The following RYR3 variants were observed in gnomAD, a reference collection of about 807,000 sequenced individuals.
RYR3 encodes the protein ryanodine receptor 3.
RYR3 carries 207 observed loss-of-function variants against 584.3 expected under a neutral mutation model. The ratio of observed to expected loss-of-function variants is 0.35; its 90% CI spans 0.32 to 0.40. The LOEUF (loss-of-function observed/expected upper bound fraction) is 0.40. Ranked by LOEUF, RYR3 falls within the 10% of genes least tolerant of loss-of-function variation. The pLI, the probability that RYR3 is intolerant of heterozygous loss-of-function variation, is 1.00. For synonymous variants in RYR3, 2,416 were observed against 2,248.5 expected (o/e 1.07, Z -2.11); for missense variants, 5,616 against 6,089.2 (o/e 0.92, Z 2.59).
intron 67 of RYR3, among the ~76,000 whole-genome samples, chr15:33,790,232 A>T (rs1397130757): frequency 6.7e-6 from 1 of 149,872 alleles, no homozygotes; most frequent in Non-Finnish European, 1.5e-5. Context: ...TGACCTCGTG[A>T]TCCACCCACC....
chr15:33,621,829 C>T (rs1047216405), intron 19 of RYR3, among the ~76,000 whole-genome samples: 4 of 152,168 alleles, frequency 2.6e-5, no homozygotes, highest in African/African-American at 9.7e-5. Context: ...GATATTTCCA[C>T]GATCACAATT....
chr15:33,860,404 G>T (rs1887749632), intron 100 of RYR3, among the ~76,000 whole-genome samples, 191 bp from the exon 101 acceptor site: 1 of 152,122 alleles, frequency 6.6e-6, no homozygotes, highest in African/African-American at 2.4e-5. Flanking sequence ...GTGTAGAAAG[G>T]TAGAGTTAGG....
intron 65 of RYR3, among the ~76,000 whole-genome samples, chr15:33,783,877 T>C (rs1006912769): frequency 3.9e-5 from 6 of 152,074 alleles, no homozygotes; most frequent in Non-Finnish European, 7.4e-5. Flanking sequence ...AATGACCATA[T>C]CTGACCCATA....
intron 2 of RYR3, among the ~76,000 whole-genome samples, chr15:33,477,506 G>A (rs1198870641): frequency 6.7e-6 from 1 of 149,124 alleles, no homozygotes; most frequent in Non-Finnish European, 1.5e-5. Flanking sequence ...ATTAATTGAT[G>A]GAAGCACTAT....
At chr15:33,794,123 ATATATTT>A (rs1567184370) in intron 67 of RYR3, among the ~76,000 whole-genome samples, 2 of 123,134 alleles carry the variant, frequency 1.6e-5, no homozygotes, top group African/African-American at 6.8e-5. Flanking sequence ...ATACATAAAT[ATATATTT>A]ATATATAATA....
chr15:33,642,711 G>C (rs944260053), intron 27 of RYR3, among the ~76,000 whole-genome samples: 4 of 152,088 alleles, frequency 2.6e-5, no homozygotes, highest in Non-Finnish European at 4.4e-5. Flanking sequence ...TTCATCCATC[G>C]CAGCCCCTAT....
At chr15:33,781,677 A>G (rs921512527) in intron 65 of RYR3, among the ~76,000 whole-genome samples, 4 of 152,198 alleles carry the variant, frequency 2.6e-5, no homozygotes, top group Non-Finnish European at 5.9e-5. Context: ...GGCCACTAAT[A>G]AAAATCTTTC....
chr15:33,450,992 G>T (rs1823770814), intron 1 of RYR3, among the ~76,000 whole-genome samples: 1 of 152,140 alleles, frequency 6.6e-6, no homozygotes, highest in African/African-American at 2.4e-5. Context: ...GAGACTCCTT[G>T]CAGCACCTGA....
chr15:33,856,682 C>G (rs375174322), intron 98 of RYR3: 1 of 156,086 alleles, frequency 6.4e-6, no homozygotes, highest in East Asian at 1.9e-4. Context: ...TTTTTTGAGA[C>G]GGAGTCTCAC....
intron 2 of RYR3, among the ~76,000 whole-genome samples, chr15:33,489,719 C>T (rs1019814306): frequency 6.6e-6 from 1 of 152,066 alleles, no homozygotes; most frequent in African/African-American, 2.4e-5. Flanking sequence ...AGGTATGTAC[C>T]CAGTAATGGG....
At chr15:33,503,016 G>A (rs1399855337) in intron 2 of RYR3, among the ~76,000 whole-genome samples, 1 of 152,196 alleles carries the variant, frequency 6.6e-6, no homozygotes, top group Non-Finnish European at 1.5e-5. Flanking sequence ...GAATAGGCAT[G>A]AATGTCACGA....
At chr15:33,497,548 C>T (rs139302063) in intron 2 of RYR3, among the ~76,000 whole-genome samples, 1 of 152,272 alleles carries the variant, frequency 6.6e-6, no homozygotes, top group Non-Finnish European at 1.5e-5. Flanking sequence ...CCTAATTTAT[C>T]TCTCTGCTTC....
chr15:33,802,130 T>C (rs1213815464), intron 69 of RYR3, 169 bp downstream of exon 69: 3 of 757,636 alleles, frequency 4.0e-6, no homozygotes, highest in Non-Finnish European at 4.9e-6. Flanking sequence ...GAAACTGCTC[T>C]CAAATAAGCA....
intron 43 of RYR3, among the ~76,000 whole-genome samples, chr15:33,709,466 C>A (rs948656353): frequency 6.6e-6 from 1 of 152,160 alleles, no homozygotes; most frequent in Non-Finnish European, 1.5e-5. Context: ...TTAAATGTGT[C>A]CCCTAAAAAG....
At chr15:33,519,873 A>G (rs1000406403) in intron 3 of RYR3, among the ~76,000 whole-genome samples, 1 of 152,146 alleles carries the variant, frequency 6.6e-6, no homozygotes, top group Non-Finnish European at 1.5e-5. Flanking sequence ...GCTACTTCAT[A>G]TACTTCAAGA....
intron 10 of RYR3, among the ~76,000 whole-genome samples, chr15:33,556,328 C>T (rs1046910361): frequency 3.9e-5 from 6 of 152,168 alleles, no homozygotes; most frequent in African/African-American, 1.4e-4. Flanking sequence ...TTCTTTTCAG[C>T]CCATCATTCA....
intron 10 of RYR3, among the ~76,000 whole-genome samples, chr15:33,550,632 C>G (rs977076533): frequency 2.6e-5 from 4 of 152,110 alleles, no homozygotes; most frequent in African/African-American, 9.7e-5. Context: ...TCTGAGTTGT[C>G]TTTGATAAAT....
chr15:33,432,801 T>C (rs985580584), intron 1 of RYR3, among the ~76,000 whole-genome samples: 1 of 151,882 alleles, frequency 6.6e-6, no homozygotes, highest in African/African-American at 2.4e-5. Flanking sequence ...ATTACAGGCG[T>C]GAGGCACCGC....
At position 33,533,373 on chromosome 15, in the gene RYR3, A is replaced by G. The variant is rs1355124915; in HGVS notation, c.417A>G (p.Leu139=). 2 of 1,607,360 alleles carry G rather than the reference A, an allele frequency of 1.2e-6. No homozygotes were observed. Among genetic ancestry groups the G allele is most frequent in the South Asian group, 1.1e-5 (1 of 89,282 alleles). ...QTDKLAFDVG[L]REHATGEACW... Reference sequence around the variant, plus strand: ...ACAAACTTGCCTTTGATGTAGGTCTACGGGAACATGCCACAGGTGAGTCAG... The same window carrying G: ...ACAAACTTGCCTTTGATGTAGGTCTGCGGGAACATGCCACAGGTGAGTCAG... Residue 139 remains leucine (L), a synonymous_variant, in exon 5 of 104, where the codon CTA becomes CTG. Coordinates refer to ENST00000634891, the MANE Select transcript of RYR3 (RefSeq NM_001036.6).
Sources: allele counts gnomAD v4.1 joint callset (sites outside exome capture counted in the v4.1 genomes callset), GRCh38; gene constraint gnomAD v4.1.1; transcripts MANE v1.5; gene names NCBI Gene and HGNC (gene_info 2026-07-23, HGNC 2026-07-21).